SULF1: variants seen among roughly 807,000 people sequenced by gnomAD.
The protein encoded by SULF1 is sulfatase 1.
SULF1 carries 46 observed loss-of-function variants against 110.5 expected under a neutral mutation model. That is an observed-to-expected ratio of 0.42 (90% CI 0.33 to 0.53). SULF1 has a LOEUF of 0.53. SULF1 is among the 20% of genes least tolerant of loss of function. The pLI is 0.12. For synonymous variants in SULF1, 371 were observed against 387.1 expected (o/e 0.96, Z 0.49); for missense variants, 941 against 1,094.2 (o/e 0.86, Z 1.98).
At chr8:69,569,331 G>A (rs1298147183) in intron 5 of SULF1, among the ~76,000 whole-genome samples, 1 of 152,092 alleles carries the variant, frequency 6.6e-6, no homozygotes, top group Admixed American at 6.5e-5. Context: ...TCAGAATTAA[G>A]CCAATATTTT....
At chr8:69,625,719 A>G (rs1809954344) in intron 15 of SULF1, among the ~76,000 whole-genome samples, 1 of 152,186 alleles carries the variant, frequency 6.6e-6, no homozygotes, top group South Asian at 2.1e-4. Context: ...GCGTGGACCC[A>G]AAGAGTGAGC....
At chr8:69,548,706 C>G (rs1814470943) in intron 3 of SULF1, among the ~76,000 whole-genome samples, 1 of 151,246 alleles carries the variant, frequency 6.6e-6, no homozygotes, top group Non-Finnish European at 1.5e-5. Flanking sequence ...AGTTATCCAC[C>G]CACCTTGGCC....
chr8:69,502,306 C>T (rs971236032), intron 3 of SULF1, among the ~76,000 whole-genome samples: 10 of 152,138 alleles, frequency 6.6e-5, no homozygotes, highest in African/African-American at 2.2e-4. Flanking sequence ...GTGGTAGGCC[C>T]GCCATGCACA....
intron 5 of SULF1, among the ~76,000 whole-genome samples, chr8:69,575,618 A>G (rs1385035159): frequency 6.6e-6 from 1 of 152,028 alleles, no homozygotes; most frequent in East Asian, 1.9e-4. Flanking sequence ...GGGGGTTTTG[A>G]TGCTCTGTGT....
intron 5 of SULF1, among the ~76,000 whole-genome samples, chr8:69,566,121 A>G (rs985518296): frequency 3.3e-5 from 5 of 151,718 alleles, no homozygotes; most frequent in African/African-American, 1.2e-4. Context: ...TGTCCCTTCC[A>G]CTTGACCAAG....
intron 1 of SULF1, among the ~76,000 whole-genome samples, chr8:69,495,128 G>A (rs764385857): frequency 2.0e-4 from 31 of 152,194 alleles, no homozygotes; most frequent in African/African-American, 2.4e-4. Context: ...ACTGGTTTAT[G>A]AAGAAAATTG....
At chr8:69,642,434 C>T in intron 22 of SULF1, 5 of 982,748 alleles carry the variant, frequency 5.1e-6, no homozygotes, top group Non-Finnish European at 6.1e-6. Flanking sequence ...TTCTCTTGTT[C>T]TTCATCTTAA....
rs1812893415 is a variant in SULF1, at chr8:69,658,567, C to A, written c.*32C>A. On this transcript the variant is annotated 3_prime_UTR_variant, in exon 23 of 23. Coordinates refer to ENST00000402687, the MANE Select transcript of SULF1 (RefSeq NM_001128205.2). ...CCGTCTCACTGCAGACATCAACTGG[C>A]AAGGCCTAGAGGAGCTACACAGTGT... 6.3e-7 allele frequency: 1 copy of A among 1,592,686 alleles called. No individual in the cohort carries two copies.
intron 3 of SULF1, among the ~76,000 whole-genome samples, chr8:69,526,056 T>A (rs868333488): frequency 6.6e-6 from 1 of 152,248 alleles, no homozygotes; most frequent in East Asian, 1.9e-4. Flanking sequence ...AAGTTAATAA[T>A]GAAAATGTGC....
intron 10 of SULF1, among the ~76,000 whole-genome samples, chr8:69,602,365 A>G (rs1807894933): frequency 6.6e-6 from 1 of 152,208 alleles, no homozygotes; most frequent in African/African-American, 2.4e-5. Flanking sequence ...GGCCTTGCCT[A>G]TTTTCCCATC....
intron 6 of SULF1, among the ~76,000 whole-genome samples, chr8:69,580,093 TG>T (rs1160155393): frequency 6.6e-6 from 1 of 152,204 alleles, no homozygotes; most frequent in Non-Finnish European, 1.5e-5. Context: ...TTGTATGACA[TG>T]AGTTTTCTCT....
chr8:69,591,481 A>G (rs1444907782), intron 8 of SULF1, among the ~76,000 whole-genome samples: 6 of 151,740 alleles, frequency 4.0e-5, no homozygotes, highest in African/African-American at 7.3e-5. Context: ...GGAGAATGGC[A>G]TGAACCCGGG....
At chr8:69,529,904 A>G (rs1348479531) in intron 3 of SULF1, among the ~76,000 whole-genome samples, 6 of 152,214 alleles carry the variant, frequency 3.9e-5, no homozygotes, top group African/African-American at 1.4e-4. Context: ...GGTCAGCCAT[A>G]TTCAGTGTGG....
chr8:69,484,911 T>A (rs1809642881), intron 1 of SULF1, among the ~76,000 whole-genome samples: 1 of 151,246 alleles, frequency 6.6e-6, no homozygotes, highest in African/African-American at 2.5e-5. Context: ...ACCATGTTGC[T>A]CAGTCTGATC....
intron 1 of SULF1, among the ~76,000 whole-genome samples, chr8:69,479,420 A>G (rs764848053): frequency 2.8e-4 from 42 of 152,176 alleles, no homozygotes; most frequent in Non-Finnish European, 5.3e-4. Flanking sequence ...TTTCTTCTGC[A>G]GTGTGAATGG....
intron 17 of SULF1, 140 bp downstream of exon 17, chr8:69,628,006 A>C (rs1810230429): frequency 9.0e-6 from 8 of 888,520 alleles, no homozygotes; most frequent in Non-Finnish European, 1.4e-5. Flanking sequence ...TTTAAGTAAA[A>C]CTAAATATGC....
chr8:69,508,382 G>A (rs922339993), intron 3 of SULF1, among the ~76,000 whole-genome samples: 4 of 152,180 alleles, frequency 2.6e-5, no homozygotes, highest in African/African-American at 9.7e-5. Context: ...TGAGGTTACA[G>A]GCATGAGCCA....
At chr8:69,587,833 C>A (rs1806581917) in intron 7 of SULF1, among the ~76,000 whole-genome samples, 1 of 152,160 alleles carries the variant, frequency 6.6e-6, no homozygotes, top group Non-Finnish European at 1.5e-5. Flanking sequence ...GTAACTTGTT[C>A]ATTATCACAG....
At chr8:69,502,440 G>C (rs1047909444) in intron 3 of SULF1, among the ~76,000 whole-genome samples, 2 of 152,164 alleles carry the variant, frequency 1.3e-5, no homozygotes, top group Non-Finnish European at 2.9e-5. Context: ...AGCTTTCATG[G>C]AGCCAGGGAG....
Sources: gnomAD v4.1 joint callset for allele counts (sites outside exome capture counted in the v4.1 genomes callset) on GRCh38, gnomAD v4.1.1 for gene constraint, MANE v1.5 for transcripts, NCBI Gene and HGNC (gene_info 2026-07-23, HGNC 2026-07-21) for gene names.